The following SNTG1 variants were observed in gnomAD, a reference collection of about 807,000 sequenced individuals.
The protein encoded by SNTG1 is syntrophin gamma 1, also known as gamma-1-syntrophin.
A neutral mutation model predicts 74.7 loss-of-function variants in SNTG1; 39 were observed. The ratio of observed to expected loss-of-function variants is 0.52; its 90% CI spans 0.40 to 0.68. The LOEUF (loss-of-function observed/expected upper bound fraction) is 0.68, where lower values mean the gene tolerates loss of function less well. SNTG1 is among the 30% of genes least tolerant of loss of function. The pLI is 0.00. For synonymous variants in SNTG1, 254 were observed against 217.1 expected (o/e 1.17, Z -1.49); for missense variants, 685 against 609.5 (o/e 1.12, Z -1.30).
intron 8 of SNTG1, among the ~76,000 whole-genome samples, chr8:50,501,434 T>G (rs927680559): frequency 8.0e-6 from 1 of 124,542 alleles, no homozygotes; most frequent in Non-Finnish European, 1.7e-5. Flanking sequence ...CGTTTTTTTT[T>G]TTTTTTTTTT....
At chr8:50,402,444 CT>C in intron 4 of SNTG1, 100 bp downstream of exon 4, 1 of 1,364,368 alleles carries the variant, frequency 7.3e-7, no homozygotes, top group Non-Finnish European at 1.0e-6. Context: ...CTTTCAGTGT[CT>C]AGTCAATGGT....
intron 5 of SNTG1, among the ~76,000 whole-genome samples, chr8:50,444,764 A>AAGAAG (rs1554528647): frequency 7.1e-6 from 1 of 140,240 alleles, no homozygotes; most frequent in African/African-American, 2.7e-5. Context: ...AAAAAAAAAA[A>AAGAAG]AAAGAAAGAG....
intron 13 of SNTG1, among the ~76,000 whole-genome samples, chr8:50,608,745 C>A (rs116527337): frequency 0.037 from 5,651 of 151,848 alleles, 180 homozygotes; most frequent in African/African-American, 0.075. Flanking sequence ...TGCAATTCTG[C>A]TATTTTTTCT....
At chr8:50,477,568 T>A (rs1017662261) in intron 8 of SNTG1, among the ~76,000 whole-genome samples, 1 of 152,056 alleles carries the variant, frequency 6.6e-6, no homozygotes, top group Admixed American at 6.6e-5. Flanking sequence ...TAATGTAATA[T>A]CCTGGATGAG....
intron 1 of SNTG1, among the ~76,000 whole-genome samples, chr8:49,952,316 C>CA (rs1393025972): frequency 5.3e-5 from 8 of 152,046 alleles, no homozygotes; most frequent in Non-Finnish European, 7.4e-5. Context: ...TTAAACAACG[C>CA]AAAATCCTGA....
chr8:50,151,914 T>A (rs2082082466), intron 1 of SNTG1, among the ~76,000 whole-genome samples: 2 of 152,182 alleles, frequency 1.3e-5, no homozygotes, highest in Admixed American at 1.3e-4. Flanking sequence ...GTTCCATAGA[T>A]ATCTATTAGG....
At chr8:50,560,891 G>A (rs1003216944) in intron 12 of SNTG1, among the ~76,000 whole-genome samples, 2 of 152,082 alleles carry the variant, frequency 1.3e-5, no homozygotes, top group Admixed American at 1.3e-4. Context: ...ATAAAATAAA[G>A]AAGGAAAACA....
Position 50,658,069 on chromosome 8 carries a change from A to G in SNTG1, c.967-523A>G, listed in dbSNP as rs7016571. Among the ~76,000 whole-genome samples, 465 of 152,240 alleles carry G rather than the reference A, an allele frequency of 3.1e-3. 4 individuals are homozygous for G. Among genetic ancestry groups the G allele is most frequent in the African/African-American group, 0.011 (448 of 41,552 alleles). ...TATTTATATATTTTACTCTATTCCT[A>G]CTCTGAATAATTTATTTGACAAGAC... is the stretch of plus-strand genomic sequence containing the variant. On this transcript the variant is annotated intron_variant, in intron 14 of 18. Coordinates refer to ENST00000642720, the MANE Select transcript of SNTG1 (RefSeq NM_018967.5).
rs191564151 is a variant in SNTG1, at chr8:50,205,764, C to A, written c.-28+33129C>A. On this transcript the variant is annotated intron_variant, in intron 2 of 18. Transcript: ENST00000642720. ...TTTGTGTAAGATGTAAGGAAGGGAT[C>A]CACTTACAGCTTTCTACATATGGCT... Among the ~76,000 whole-genome samples, 48 of 152,294 alleles carry A rather than the reference C, an allele frequency of 3.2e-4. No homozygotes were observed. The East Asian group carries it at 9.3e-3, about 29-fold the overall frequency.
intron 11 of SNTG1, among the ~76,000 whole-genome samples, chr8:50,547,180 A>T (rs1217554662): frequency 6.6e-6 from 1 of 152,188 alleles, no homozygotes; most frequent in Non-Finnish European, 1.5e-5. Flanking sequence ...CTGATGTTAC[A>T]TGTGGTTCTC....
At chr8:50,359,242 C>G (rs1032495438) in intron 2 of SNTG1, among the ~76,000 whole-genome samples, 2 of 152,180 alleles carry the variant, frequency 1.3e-5, no homozygotes, top group Non-Finnish European at 2.9e-5. Flanking sequence ...CACAAAACCA[C>G]TCCCCATGTG....
At position 50,779,980 on chromosome 8, in the gene SNTG1, G is replaced by C. The variant is rs201587053; in HGVS notation, c.1396-12691G>C. Reference sequence around the variant, plus strand: ...GATAATCATGTGGTTTTTGTCTTTGGTTCTGTTTATATGCTGGATTACATT... The same window carrying C: ...GATAATCATGTGGTTTTTGTCTTTGCTTCTGTTTATATGCTGGATTACATT... On this transcript the variant is annotated intron_variant, in intron 18 of 18. Transcript: ENST00000642720. Among the ~76,000 whole-genome samples the C allele has an allele frequency of 4.0e-4, 61 of 152,098 alleles. No individual in the cohort carries two copies. In the East Asian group the frequency reaches 5.8e-3, roughly 14 times the overall value.
intron 1 of SNTG1, among the ~76,000 whole-genome samples, chr8:50,068,762 T>C (rs1348439673): frequency 6.6e-6 from 1 of 152,180 alleles, no homozygotes; most frequent in Non-Finnish European, 1.5e-5. Context: ...ATATACTCTG[T>C]GGCTGCTGTT....
At chr8:49,916,490 T>C (rs1806048795) in intron 1 of SNTG1, among the ~76,000 whole-genome samples, 1 of 152,162 alleles carries the variant, frequency 6.6e-6, no homozygotes, top group African/African-American at 2.4e-5. Flanking sequence ...TTATTATCAC[T>C]TCATCATATG....
At chr8:50,781,501 G>C (rs1011046669) in intron 18 of SNTG1, among the ~76,000 whole-genome samples, 3 of 152,072 alleles carry the variant, frequency 2.0e-5, no homozygotes, top group Non-Finnish European at 4.4e-5. Context: ...TTTAAAGTCT[G>C]TTTCATCAGA....
chr8:50,386,876 A>T (rs528989289), intron 2 of SNTG1, among the ~76,000 whole-genome samples: 180 of 152,072 alleles, frequency 1.2e-3, no homozygotes, highest in Non-Finnish European at 2.1e-3. Flanking sequence ...TTTCAACATG[A>T]GATTTGGAGT....
In SNTG1 at chr8:50,268,973, A is replaced by G. The variant is rs140391088; in HGVS notation, c.-28+96338A>G. ...CGCACCCAGCCTCAACCAGTTTTTG[A>G]AAGGTACAAAAGCATTTTATGGAAG... On this transcript the variant is annotated intron_variant, in intron 2 of 18. Coordinates refer to ENST00000642720, the MANE Select transcript of SNTG1 (RefSeq NM_018967.5). Among the ~76,000 whole-genome samples the G allele has an allele frequency of 8.1e-3, 1,232 of 152,188 alleles. 8 individuals are homozygous for G. The highest frequency in any genetic ancestry group is 0.051 in the Middle Eastern group (15 of 294).
rs1160775711 is a variant in SNTG1, at chr8:50,795,313, A to C, written c.*2484A>C. The C allele has an allele frequency of 6.6e-6, 1 of 152,086 alleles. No individual in the cohort carries two copies. The highest frequency in any genetic ancestry group is 2.4e-5 in the African/African-American group (1 of 41,450). 9.4% of individuals were successfully genotyped at this position (152,086 alleles called of 1,614,324 possible). A position where few individuals can be genotyped will look rare whatever the true frequency, so the allele number is the denominator to read the frequency against. ...TCTCGTTTTCATCAGTTTAACAATT[A>C]GTATTTAATGTTTTCTTTACAATGT... On this transcript the variant is annotated 3_prime_UTR_variant, in exon 19 of 19. Coordinates refer to ENST00000642720, the MANE Select transcript of SNTG1 (RefSeq NM_018967.5).
intron 4 of SNTG1, among the ~76,000 whole-genome samples, chr8:50,410,275 G>C (rs1266241249): frequency 3.3e-5 from 5 of 152,092 alleles, no homozygotes; most frequent in Non-Finnish European, 7.4e-5. Context: ...GCCTAGATAG[G>C]AACATTGTTT....
Sources: allele counts gnomAD v4.1 joint callset (sites outside exome capture counted in the v4.1 genomes callset), GRCh38; gene constraint gnomAD v4.1.1; transcripts MANE v1.5; gene names NCBI Gene and HGNC (gene_info 2026-07-23, HGNC 2026-07-21).